The following GZMA variants were observed in gnomAD, a reference collection of about 807,000 sequenced individuals.
GZMA encodes the protein CTL tryptase.
In GZMA, 17 loss-of-function variants were observed where a neutral mutation model predicts 21.1. The ratio of observed to expected loss-of-function variants is 0.81; its 90% CI spans 0.55 to 1.21. The LOEUF is 1.21. GZMA is among the 50% of genes most tolerant of loss of function. The pLI is 0.00. For missense variants in GZMA, 306 were observed against 315.9 expected (o/e 0.97, Z 0.24); for synonymous variants, 90 against 107.8 (o/e 0.83, Z 1.03).
intron 4 of GZMA, among the ~76,000 whole-genome samples, chr5:55,108,790 T>A (rs908602768): frequency 3.3e-5 from 5 of 152,120 alleles, no homozygotes; most frequent in Admixed American, 6.5e-5. Context: ...TCCCTCTCCT[T>A]CCCCACTACG....
rs1554047896 is a variant in GZMA at position 55,106,133 on chromosome 5, TAAATA to T, written c.215+559_215+563del. ...ATAAAATAAATAAAATAAAATAAAA[TAAATA>T]AAATAAAATAAAATAAAATAAAATA... On this transcript the variant is annotated intron_variant, in intron 2 of 4. Transcript: ENST00000274306. 7.8e-3 allele frequency among the ~76,000 whole-genome samples: 8 copies of T among 1,026 alleles called. 1 individual carries two copies. The highest frequency in any genetic ancestry group is 0.024 in the African/African-American group (7 of 290). 0.7% of individuals were successfully genotyped at this position (1,026 alleles called of 152,430 possible).
chr5:55,104,641 T>G (rs1009759751), intron 1 of GZMA, among the ~76,000 whole-genome samples: 1 of 152,168 alleles, frequency 6.6e-6, no homozygotes, highest in Non-Finnish European at 1.5e-5. Context: ...TCCAAGAACA[T>G]CTGGTGCAGG....
In GZMA at chr5:55,102,728, G is replaced by A. The variant is rs745807330; in HGVS notation, c.46G>A (p.Val16Ile). 1.4e-5 allele frequency: 23 copies of A among 1,608,208 alleles called. No homozygotes were observed. Among genetic ancestry groups the A allele is most frequent in the African/African-American group, 2.7e-5 (2 of 74,756 alleles). Residue 16 changes from valine (V) to isoleucine (I), a missense_variant, in exon 1 of 5, where the codon GTT becomes ATT. Val to Ile is a conservative substitution (Grantham distance 29). Coordinates refer to ENST00000274306, the MANE Select transcript of GZMA (RefSeq NM_006144.4). ...TCTGGCATCCTCTCTCTCAGTTGTC[G>A]TTTCTCTCCTGCTAATTCCTGAAGG... ...RFLASSLSVV[V>I]SLLLIPEDVC...
intron 1 of GZMA, 149 bp from the exon 2 acceptor site, chr5:55,105,325 C>A: frequency 1.6e-6 from 1 of 618,438 alleles, no homozygotes; most frequent in Non-Finnish European, 2.7e-6. Flanking sequence ...CAGATGTCTG[C>A]GGGTCTACAT....
intron 2 of GZMA, 109 bp from the exon 3 acceptor site, chr5:55,107,685 A>T: frequency 1.5e-6 from 1 of 654,046 alleles, no homozygotes; most frequent in Non-Finnish European, 2.5e-6. Flanking sequence ...CCACAAAGAA[A>T]TCTCCCCACC....
chr5:55,105,992 T>TA (rs368998398), intron 2 of GZMA, among the ~76,000 whole-genome samples: 5 of 240 alleles, frequency 0.021, 2 homozygotes, highest in Non-Finnish European at 0.017. Flanking sequence ...TAAAATAAAA[T>TA]AAATAAAATA....
rs1416981156 is a variant in GZMA, at chr5:55,108,321, A to G, written c.554A>G (p.Tyr185Cys). 2 of 1,613,070 alleles carry G rather than the reference A, an allele frequency of 1.2e-6. No homozygotes were observed. Among genetic ancestry groups the G allele is most frequent in the East Asian group, 2.2e-5 (1 of 44,838 alleles). The change falls in exon 4 of 5, where the codon TAT becomes TGT. Residue 185 changes from tyrosine to cysteine, a missense_variant. By Grantham distance (194) the Tyr-to-Cys change is radical. Coordinates refer to ENST00000274306, the MANE Select transcript of GZMA (RefSeq NM_006144.4). ...AAAGTCTGCAATGATCGAAATCACT[A>G]TAATTTTAACCCTGTGATTGGAATG... is the stretch of plus-strand genomic sequence containing the variant. The part of the protein sequence containing the change: ...DRKVCNDRNH[Y>C]NFNPVIGMNM...
chr5:55,108,526 TA>T, intron 4 of GZMA, 132 bp downstream of exon 4: 1 of 684,466 alleles, frequency 1.5e-6, no homozygotes, highest in Non-Finnish European at 2.4e-6. Flanking sequence ...ATAAGTTTAA[TA>T]AAACCCCAGT....
At chr5:55,108,059 G>A (rs1742443348) in intron 3 of GZMA, 66 bp from the exon 4 acceptor site, 1 of 1,417,550 alleles carries the variant, frequency 7.1e-7, no homozygotes, top group Non-Finnish European at 9.8e-7. Context: ...CTGAAATTTT[G>A]GACTATAATT....
At chr5:55,105,023 A>G (rs1742362656) in intron 1 of GZMA, among the ~76,000 whole-genome samples, 1 of 152,166 alleles carries the variant, frequency 6.6e-6, no homozygotes, top group Non-Finnish European at 1.5e-5. Context: ...CATAAGCTAT[A>G]TTTTTGCAAT....
chr5:55,107,470 T>G (rs1742433531), intron 2 of GZMA, among the ~76,000 whole-genome samples: 1 of 152,230 alleles, frequency 6.6e-6, no homozygotes, highest in Non-Finnish European at 1.5e-5. Flanking sequence ...TAAGTAATTC[T>G]CCATCACAGC....
At chr5:55,104,645 G>A (rs1742354014) in intron 1 of GZMA, among the ~76,000 whole-genome samples, 2 of 152,204 alleles carry the variant, frequency 1.3e-5, no homozygotes, top group African/African-American at 4.8e-5. Context: ...AGAACATCTG[G>A]TGCAGGAGGT....
At chr5:55,106,118 TAAAATAAAATAAAATAAA>T (rs1580328270) in intron 2 of GZMA, among the ~76,000 whole-genome samples, 2 of 1,872 alleles carry the variant, frequency 1.1e-3, no homozygotes, top group East Asian at 0.2. Context: ...ATAAAATAAA[TAAAATAAAATAAAATAAA>T]TAAAATAAAA....
Position 55,110,052 on chromosome 5 carries a change from G to C in GZMA, c.659G>C (p.Gly220Ala). 1 of 1,612,028 alleles carries C rather than the reference G, an allele frequency of 6.2e-7. No homozygotes were observed. The highest frequency in any genetic ancestry group is 8.5e-7 in the Non-Finnish European group (1 of 1,179,124). Residue 220 changes from glycine (G) to alanine (A), a missense_variant, in exon 5 of 5, where the codon GGT becomes GCT. Transcript: ENST00000274306. ...GDSGSPLLCE[G>A]VFRGVTSFGL... is the part of the protein sequence containing the mutation. ...TCTGGAAGCCCTTTGTTGTGCGAGG[G>C]TGTTTTCCGAGGGGTCACTTCCTTT...
chr5:55,107,003 T>G (rs1742428386), intron 2 of GZMA, among the ~76,000 whole-genome samples: 1 of 152,196 alleles, frequency 6.6e-6, no homozygotes, highest in African/African-American at 2.4e-5. Context: ...CTTTTATTTT[T>G]TAATTATTTA....
chr5:55,106,180 A>T (rs371479803), intron 2 of GZMA, among the ~76,000 whole-genome samples: 29 of 1,118 alleles, frequency 0.026, 7 homozygotes, highest in South Asian at 0.17. Context: ...AATAAAATAA[A>T]AAAATAAAAT....
rs772248724 is a variant in GZMA, at chr5:55,105,520, A to C, written c.117A>C (p.Ser39=). ...IIGGNEVTPH[S]RPYMVLLSLD... Reference sequence around the variant, plus strand: ...GAGGAAATGAAGTAACTCCTCATTCAAGACCCTACATGGTCCTACTTAGTC... The same window carrying C: ...GAGGAAATGAAGTAACTCCTCATTCCAGACCCTACATGGTCCTACTTAGTC... Residue 39 remains serine (S), a synonymous_variant, in exon 2 of 5, where the codon TCA becomes TCC. Coordinates refer to ENST00000274306, the MANE Select transcript of GZMA (RefSeq NM_006144.4). The C allele has an allele frequency of 1.2e-6, 2 of 1,612,120 alleles. No homozygotes were observed. The highest frequency in any genetic ancestry group is 2.2e-5 in the South Asian group (2 of 91,022).
chr5:55,110,164 T>G lies in GZMA; in HGVS notation c.771T>G (p.Thr257=). 1 of 1,599,468 alleles carries G rather than the reference T, an allele frequency of 6.3e-7. No individual in the cohort carries two copies. Among genetic ancestry groups the G allele is most frequent in the Non-Finnish European group, 8.5e-7 (1 of 1,173,956 alleles). The change falls in exon 5 of 5, where the codon ACT becomes ACG. Residue 257 remains threonine (T), a synonymous_variant. Coordinates refer to ENST00000274306, the MANE Select transcript of GZMA (RefSeq NM_006144.4). Reference sequence around the variant, plus strand: ...AACACCTCAACTGGATAATTATGACTATCAAGGGAGCAGTTTAAATAACCG... The same window carrying G: ...AACACCTCAACTGGATAATTATGACGATCAAGGGAGCAGTTTAAATAACCG... ...SKKHLNWIIM[T]IKGAV
At chr5:55,105,013 C>CATAAGCT (rs1268895511) in intron 1 of GZMA, among the ~76,000 whole-genome samples, 1 of 152,146 alleles carries the variant, frequency 6.6e-6, no homozygotes, top group Non-Finnish European at 1.5e-5. Flanking sequence ...AATATCGGTT[C>CATAAGCT]ATAAGCTATA....
Sources: gnomAD v4.1 joint callset for allele counts (sites outside exome capture counted in the v4.1 genomes callset) on GRCh38, gnomAD v4.1.1 for gene constraint, MANE v1.5 for transcripts, NCBI Gene and HGNC (gene_info 2026-07-23, HGNC 2026-07-21) for gene names.